NRXN3: variants seen among roughly 807,000 people sequenced by gnomAD.
The protein encoded by NRXN3 is neurexin 3, also known as neurexin III.
In NRXN3, 32 loss-of-function variants were observed where a neutral mutation model predicts 137.6. That is an observed-to-expected ratio of 0.23 (90% confidence interval 0.18 to 0.31). The LOEUF (loss-of-function observed/expected upper bound fraction) is 0.31. Ranked by LOEUF, NRXN3 falls within the 10% of genes least tolerant of loss-of-function variation. NRXN3 has a pLI of 1.00. For missense variants in NRXN3, 1,574 were observed against 2,062.5 expected, an observed-to-expected ratio of 0.76 and a Z score of 4.59; for synonymous variants, 798 against 784.5, an observed-to-expected ratio of 1.02 and a Z score of -0.29.
intron 4 of NRXN3, among the ~76,000 whole-genome samples, chr14:78,401,552 C>G (rs2092061286): frequency 6.6e-6 from 1 of 152,222 alleles, no homozygotes; most frequent in South Asian, 2.1e-4. Flanking sequence ...TTAGTTCTCT[C>G]CAGACCTTTT....
In NRXN3 at chr14:79,483,792, T is replaced by G. The variant is rs965887620; in HGVS notation, c.3444+16390T>G. ...ATGCGTGTGTGTGTGTGGGTGGGTG[T>G]GTGTGTGTGTTTTAAAAAACCTAAA... On this transcript the variant is annotated intron_variant, in intron 16 of 20. Coordinates refer to ENST00000335750, the MANE Select transcript of NRXN3 (RefSeq NM_001330195.2). 4.6e-5 allele frequency among the ~76,000 whole-genome samples: 7 copies of G among 151,156 alleles called. 1 individual carries two copies. Among genetic ancestry groups the G allele is most frequent in the Admixed American group, 4.6e-4 (7 of 15,254 alleles).
rs558931430 is a variant in NRXN3 at position 79,394,578 on chromosome 14, A to G, written c.3263-72643A>G. 1.2e-3 allele frequency among the ~76,000 whole-genome samples: 185 copies of G among 152,316 alleles called. 1 individual carries two copies. The highest frequency in any genetic ancestry group is 4.3e-3 in the African/African-American group (180 of 41,578). ...CTCAGTGGTTCTTAACCTGGGATGC[A>G]TGTTAAACTTACCAAGGAAGCATTT... On this transcript the variant is annotated intron_variant, in intron 15 of 20. Coordinates refer to ENST00000335750, the MANE Select transcript of NRXN3 (RefSeq NM_001330195.2).
At chr14:78,726,192 G>A (rs2098482449) in intron 8 of NRXN3, among the ~76,000 whole-genome samples, 1 of 151,892 alleles carries the variant, frequency 6.6e-6, no homozygotes, top group Non-Finnish European at 1.5e-5. Context: ...ATTTTATTTT[G>A]TTCCTTTTTT....
At position 79,191,780 on chromosome 14, in the gene NRXN3, G is replaced by GA. The variant is rs1491515972; in HGVS notation, c.3262+203639_3262+203640insA. On this transcript the variant is annotated intron_variant, in intron 15 of 20. Coordinates refer to ENST00000335750, the MANE Select transcript of NRXN3 (RefSeq NM_001330195.2). ...AGGTGATTAAAATATGGATTTAACTGCTGATTTGTTCATATTTAAGATCCT... is the reference window on the plus strand; with the variant it reads ...AGGTGATTAAAATATGGATTTAACTGACTGATTTGTTCATATTTAAGATCCT... Among the ~76,000 whole-genome samples, 12 of 78,962 alleles carry GA rather than the reference G, an allele frequency of 1.5e-4. No individual in the cohort carries two copies. The East Asian group carries it at 1.7e-3, about 11-fold the overall frequency. 51.8% of individuals were successfully genotyped at this position (78,962 alleles called of 152,430 possible). A position where few individuals can be genotyped will look rare whatever the true frequency, so the allele number is the denominator to read the frequency against.
At chr14:78,300,199 C>A (rs143486174) in intron 4 of NRXN3, among the ~76,000 whole-genome samples, 1 of 152,240 alleles carries the variant, frequency 6.6e-6, no homozygotes, top group African/African-American at 2.4e-5. Flanking sequence ...TGTACAACAC[C>A]TATACATGTG....
intron 1 of NRXN3, among the ~76,000 whole-genome samples, chr14:78,215,778 G>GT (rs386381903): frequency 4.4e-5 from 6 of 135,626 alleles, no homozygotes; most frequent in Non-Finnish European, 9.5e-5. Flanking sequence ...GGGTGGGGGG[G>GT]GCAGGGGTTA....
chr14:79,797,492 C>T (rs1188523424), intron 19 of NRXN3, among the ~76,000 whole-genome samples: 1 of 152,204 alleles, frequency 6.6e-6, no homozygotes, highest in Admixed American at 6.5e-5. Flanking sequence ...TGTCCCTTCA[C>T]CTCCAACATT....
chr14:78,451,534 G>A (rs1260580964), intron 4 of NRXN3, among the ~76,000 whole-genome samples: 1 of 152,200 alleles, frequency 6.6e-6, no homozygotes, highest in Admixed American at 6.5e-5. Context: ...CTAATCCAAA[G>A]TTGTGAAACA....
intron 16 of NRXN3, among the ~76,000 whole-genome samples, chr14:79,516,486 T>A (rs1161649794): frequency 6.6e-6 from 1 of 152,222 alleles, no homozygotes; most frequent in Admixed American, 6.5e-5. Context: ...TGTTTTCATC[T>A]GGGGAATGTT....
intron 20 of NRXN3, among the ~76,000 whole-genome samples, chr14:79,843,545 G>C (rs1182394223): frequency 6.6e-6 from 1 of 152,112 alleles, no homozygotes; most frequent in Non-Finnish European, 1.5e-5. Flanking sequence ...ATGCAATGCT[G>C]TTTCATAGCA....
intron 16 of NRXN3, among the ~76,000 whole-genome samples, chr14:79,553,649 A>G (rs966050191): frequency 6.6e-6 from 1 of 152,128 alleles, no homozygotes; most frequent in African/African-American, 2.4e-5. Flanking sequence ...CAGAAGGAGG[A>G]AGGTGGTGCT....
intron 3 of NRXN3, among the ~76,000 whole-genome samples, chr14:78,293,422 A>C (rs1186307811): frequency 6.6e-6 from 1 of 152,134 alleles, no homozygotes; most frequent in African/African-American, 2.4e-5. Context: ...TGTCATACAG[A>C]ACTTATTATC....
chr14:78,572,869 G>A (rs551774201), intron 4 of NRXN3, among the ~76,000 whole-genome samples: 22 of 152,214 alleles, frequency 1.4e-4, no homozygotes, highest in Admixed American at 9.8e-4. Flanking sequence ...AAATTTCCAC[G>A]GAACATGGCA....
chr14:78,182,556 G>A (rs1271978973), intron 1 of NRXN3, among the ~76,000 whole-genome samples: 1 of 152,176 alleles, frequency 6.6e-6, no homozygotes, highest in African/African-American at 2.4e-5. Context: ...CGCAACCTCT[G>A]CCTGCCGGGT....
intron 15 of NRXN3, among the ~76,000 whole-genome samples, chr14:79,130,529 A>G (rs1241305921): frequency 3.9e-5 from 6 of 151,942 alleles, no homozygotes; most frequent in African/African-American, 1.2e-4. Context: ...TGGCTTGTAG[A>G]GTTTCTGCCG....
intron 4 of NRXN3, among the ~76,000 whole-genome samples, chr14:78,430,282 CTCAACTTTAAAA>C (rs2093829159): frequency 6.6e-6 from 1 of 152,210 alleles, no homozygotes; most frequent in East Asian, 1.9e-4. Context: ...TCCCATTGTT[CTCAACTTTAAAA>C]TCACTGATGC....
rs1186099450 is a variant in NRXN3, at chr14:79,769,478, TAAAGA to T, written c.4015-35627_4015-35623del. ...AGTGGGGGCCAATATTCAACATTCT[TAAAGA>T]AAAGAACTTTCAACCCAGAATCTCA... On this transcript the variant is annotated intron_variant, in intron 19 of 20. Coordinates refer to ENST00000335750, the MANE Select transcript of NRXN3 (RefSeq NM_001330195.2). Among the ~76,000 whole-genome samples, 17 of 152,246 alleles carry T rather than the reference TAAAGA, an allele frequency of 1.1e-4. No homozygotes were observed. The East Asian group carries it at 3.3e-3, about 29-fold the overall frequency.
At chr14:79,471,698 G>A (rs1314376108) in intron 16 of NRXN3, among the ~76,000 whole-genome samples, 1 of 152,154 alleles carries the variant, frequency 6.6e-6, no homozygotes, top group African/African-American at 2.4e-5. Context: ...TTGGGGATGT[G>A]CAATGTTGTG....
chr14:79,449,847 C>A (rs531442406), intron 15 of NRXN3, among the ~76,000 whole-genome samples: 1 of 151,838 alleles, frequency 6.6e-6, no homozygotes, highest in African/African-American at 2.4e-5. Flanking sequence ...AAAAATTAGC[C>A]GGGTGTGGTG....
Sources: gnomAD v4.1 joint callset for allele counts (sites outside exome capture counted in the v4.1 genomes callset) on GRCh38, gnomAD v4.1.1 for gene constraint, MANE v1.5 for transcripts, NCBI Gene and HGNC (gene_info 2026-07-23, HGNC 2026-07-21) for gene names.